The following CDH13 variants were observed in gnomAD, a reference collection of about 807,000 sequenced individuals.
CDH13 encodes the protein cadherin 13.
In CDH13, 24 loss-of-function variants were observed where a neutral mutation model predicts 63.8. That is an observed-to-expected ratio of 0.38 (90% CI 0.27 to 0.53). The LOEUF (loss-of-function observed/expected upper bound fraction) is 0.53, where lower values mean the gene tolerates loss of function less well. Among genes scored for constraint, CDH13 ranks in the 20% least tolerant of loss-of-function variants. CDH13 has a pLI of 0.85. For missense variants in CDH13, 1,049 were observed against 903.1 expected (o/e 1.16, Z -2.07); for synonymous variants, 503 against 355.3 (o/e 1.42, Z -4.67).
intron 5 of CDH13, among the ~76,000 whole-genome samples, chr16:83,330,070 A>G (rs964651953): frequency 4.6e-5 from 7 of 152,376 alleles, no homozygotes; most frequent in African/African-American, 1.7e-4. Flanking sequence ...TTAAAGATTT[A>G]AAAGCATTGC....
chr16:83,105,081 T>C (rs904513627), intron 3 of CDH13, among the ~76,000 whole-genome samples: 1 of 152,288 alleles, frequency 6.6e-6, no homozygotes, highest in East Asian at 1.9e-4. Flanking sequence ...ACGTGTGCCA[T>C]GGCGGTTTGC....
intron 1 of CDH13, among the ~76,000 whole-genome samples, chr16:82,628,071 G>A (rs1431616124): frequency 2.0e-5 from 3 of 152,246 alleles, no homozygotes; most frequent in African/African-American, 7.2e-5. Flanking sequence ...ATTTCGGGAA[G>A]TTTGAGTGCA....
intron 6 of CDH13, among the ~76,000 whole-genome samples, chr16:83,425,129 G>T (rs2151475818): frequency 6.6e-6 from 1 of 152,324 alleles, no homozygotes; most frequent in South Asian, 2.1e-4. Flanking sequence ...CGAGTTCTAA[G>T]CTATGGTATT....
intron 5 of CDH13, among the ~76,000 whole-genome samples, chr16:83,272,756 A>C (rs2088864170): frequency 6.6e-6 from 1 of 152,102 alleles, no homozygotes; most frequent in African/African-American, 2.4e-5. Context: ...TTCCTTGAAA[A>C]CTGGAGGAAA....
intron 2 of CDH13, among the ~76,000 whole-genome samples, chr16:82,883,499 C>G (rs2040777237): frequency 6.6e-6 from 1 of 152,220 alleles, no homozygotes; most frequent in Non-Finnish European, 1.5e-5. Context: ...TTTCCATCGA[C>G]TATCTCAGCT....
In CDH13 at chr16:83,117,231, A is replaced by G. The variant is rs1166391788; in HGVS notation, c.367-8154A>G. ...CTCTCCATGGCCTACGTGCCTCTCC[A>G]GGGTCTGACTTCCCTTCACCAGGTC... On this transcript the variant is annotated intron_variant, in intron 3 of 13. Transcript: ENST00000567109. Among the ~76,000 whole-genome samples the G allele has an allele frequency of 4.6e-5, 7 of 152,270 alleles. No individual in the cohort carries two copies. In the South Asian group the frequency reaches 1.5e-3, roughly 32 times the overall value.
intron 2 of CDH13, among the ~76,000 whole-genome samples, chr16:82,926,374 C>T (rs917869506): frequency 1.3e-5 from 2 of 152,076 alleles, no homozygotes; most frequent in African/African-American, 2.4e-5. Context: ...CATTTTCGCA[C>T]CCCTGTGCCT....
chr16:83,658,066 CCA>C (rs1913045220), intron 8 of CDH13, among the ~76,000 whole-genome samples: 1 of 84,500 alleles, frequency 1.2e-5, no homozygotes, highest in Non-Finnish European at 2.5e-5. Flanking sequence ...ATCCTCACCA[CCA>C]GGTGCCATGT....
intron 2 of CDH13, among the ~76,000 whole-genome samples, chr16:82,934,505 T>A (rs2042603548): frequency 6.6e-6 from 1 of 152,218 alleles, no homozygotes; most frequent in African/African-American, 2.4e-5. Context: ...TTCCCCATTG[T>A]CTTGGTGATT....
intron 10 of CDH13, among the ~76,000 whole-genome samples, chr16:83,700,409 G>C (rs1192876234): frequency 6.6e-6 from 1 of 152,166 alleles, no homozygotes; most frequent in Non-Finnish European, 1.5e-5. Flanking sequence ...TTGTTAAATA[G>C]CCATTTTTCT....
At chr16:83,548,120 G>A (rs1305103500) in intron 7 of CDH13, among the ~76,000 whole-genome samples, 1 of 152,126 alleles carries the variant, frequency 6.6e-6, no homozygotes, top group Non-Finnish European at 1.5e-5. Flanking sequence ...AGCTAGCCAA[G>A]AGCAGGTGTC....
intron 10 of CDH13, chr16:83,717,904 G>A (rs1238163724): frequency 6.6e-6 from 1 of 152,174 alleles, no homozygotes; most frequent in South Asian, 2.1e-4. Flanking sequence ...GTTGTTGAGA[G>A]GCTCAGGAAA....
chr16:82,698,627 A>G (rs1473463921), intron 1 of CDH13, among the ~76,000 whole-genome samples: 2 of 152,202 alleles, frequency 1.3e-5, no homozygotes, highest in Non-Finnish European at 2.9e-5. Flanking sequence ...TCAATTCTAC[A>G]GGTGATTTTC....
chr16:83,495,612 A>G (rs923794032), intron 7 of CDH13, among the ~76,000 whole-genome samples: 4 of 152,232 alleles, frequency 2.6e-5, no homozygotes, highest in African/African-American at 9.6e-5. Flanking sequence ...TTGCAGGACT[A>G]TTTCAAGATA....
rs1051974303 is a variant in CDH13, at chr16:83,185,732, A to T, written c.484-31613A>T. 3.3e-5 allele frequency among the ~76,000 whole-genome samples: 5 copies of T among 152,352 alleles called. No homozygotes were observed. In the South Asian group the frequency reaches 6.2e-4, roughly 19 times the overall value. On this transcript the variant is annotated intron_variant, in intron 4 of 13. Transcript: ENST00000567109. ...TAACGAGAACAGGAGTGATCTATGG[A>T]ATAAACAGGCACTGTTGTTTGAATT...
chr16:83,187,354 A>G lies in CDH13; in HGVS notation c.484-29991A>G, dbSNP rs374314203. On this transcript the variant is annotated intron_variant, in intron 4 of 13. Coordinates refer to ENST00000567109, the MANE Select transcript of CDH13 (RefSeq NM_001257.5). ...TTATTAGAGCACCTTCATGAGCTTG[A>G]CATTTTTATGTTGCTCTTTGAATCC... Among the ~76,000 whole-genome samples the G allele has an allele frequency of 5.9e-5, 9 of 152,278 alleles. No individual in the cohort carries two copies. The South Asian group carries it at 1.9e-3, about 32-fold the overall frequency.
intron 6 of CDH13, among the ~76,000 whole-genome samples, chr16:83,357,830 C>T (rs2091085674): frequency 6.6e-6 from 1 of 152,116 alleles, no homozygotes; most frequent in Non-Finnish European, 1.5e-5. Flanking sequence ...TTGGTTGGTA[C>T]CTTTTTATAG....
At chr16:82,856,599 G>A (rs1331952632) in intron 1 of CDH13, among the ~76,000 whole-genome samples, 6 of 149,034 alleles carry the variant, frequency 4.0e-5, no homozygotes, top group Admixed American at 1.3e-4. Flanking sequence ...CTACTTGGGA[G>A]GCTGAGGTGG....
At chr16:83,449,839 C>G (rs7193431) in intron 6 of CDH13, among the ~76,000 whole-genome samples, 29,967 of 152,136 alleles carry the variant, frequency 0.2, 3,246 homozygotes, top group Non-Finnish European at 0.24. Flanking sequence ...AGAAAATGAG[C>G]TAATGCAAGG....
Sources: gnomAD v4.1 joint callset for allele counts (sites outside exome capture counted in the v4.1 genomes callset) on GRCh38, gnomAD v4.1.1 for gene constraint, MANE v1.5 for transcripts, NCBI Gene and HGNC (gene_info 2026-07-23, HGNC 2026-07-21) for gene names.